Variants in SOX6 observed in about 807,000 individuals in gnomAD.
SOX6 encodes the protein SRY-box transcription factor 6.
Under a neutral mutation model 97.8 loss-of-function variants are expected in SOX6, and 11 were observed. The observed-to-expected ratio is 0.11, with a 90% CI of 0.07 to 0.19. SOX6 has a LOEUF of 0.19. SOX6 is among the 10% of genes least tolerant of loss of function. The probability of loss-of-function intolerance (pLI) is 1.00; values close to 1 mark genes in which losing one functional copy is unlikely to be tolerated. For synonymous variants in SOX6, 360 were observed against 371.4 expected (o/e 0.97, Z 0.35); for missense variants, 810 against 1,039.5 (o/e 0.78, Z 3.04).
chr11:16,133,062 T>G (rs74823667), intron 6 of SOX6, among the ~76,000 whole-genome samples: 1 of 152,032 alleles, frequency 6.6e-6, no homozygotes, highest in Non-Finnish European at 1.5e-5. Context: ...TAAAAAAAAA[T>G]GGCCTAATTT....
chr11:15,983,693 A>C (rs1853739984), intron 15 of SOX6, among the ~76,000 whole-genome samples: 2 of 152,270 alleles, frequency 1.3e-5, no homozygotes, highest in Middle Eastern at 3.4e-3. Flanking sequence ...CATAGCAAGT[A>C]TTATCAAAGC....
chr11:16,710,730 C>T (rs1848172991), intron 3 of SOX6, among the ~76,000 whole-genome samples: 1 of 152,302 alleles, frequency 6.6e-6, no homozygotes, highest in East Asian at 1.9e-4. Context: ...GATTTGAATA[C>T]CATCCCTTTA....
At chr11:16,590,644 A>G (rs1293787807) in intron 4 of SOX6, among the ~76,000 whole-genome samples, 1 of 152,172 alleles carries the variant, frequency 6.6e-6, no homozygotes, top group African/African-American at 2.4e-5. Flanking sequence ...GTCATTTGCA[A>G]CAACATGAAT....
chr11:16,520,558 A>G (rs1166365662), intron 4 of SOX6, among the ~76,000 whole-genome samples: 1 of 152,206 alleles, frequency 6.6e-6, no homozygotes, highest in Non-Finnish European at 1.5e-5. Flanking sequence ...GACGTAGAAG[A>G]CGGGTGATTT....
intron 1 of SOX6, among the ~76,000 whole-genome samples, chr11:16,341,720 G>A (rs1007937414): frequency 6.6e-5 from 10 of 152,020 alleles, no homozygotes; most frequent in African/African-American, 2.4e-4. Context: ...AAAGAAGGGG[G>A]ATATGTAGGA....
chr11:16,261,698 C>A (rs1443951960), intron 3 of SOX6, among the ~76,000 whole-genome samples: 1 of 151,710 alleles, frequency 6.6e-6, no homozygotes, highest in Non-Finnish European at 1.5e-5. Flanking sequence ...CTAGGTCAGA[C>A]CATTAGTCTT....
intron 6 of SOX6, among the ~76,000 whole-genome samples, chr11:16,134,178 G>A (rs1849893664): frequency 1.3e-5 from 2 of 152,170 alleles, no homozygotes; most frequent in Admixed American, 1.3e-4. Flanking sequence ...TACAGATGAG[G>A]CACAGAAAAG....
At chr11:16,103,093 C>G (rs985606966) in intron 7 of SOX6, among the ~76,000 whole-genome samples, 1 of 151,816 alleles carries the variant, frequency 6.6e-6, no homozygotes, top group Admixed American at 6.6e-5. Context: ...ACAGACAACC[C>G]ACAGAGTGGG....
At chr11:16,588,217 C>T (rs896084193) in intron 4 of SOX6, among the ~76,000 whole-genome samples, 3 of 152,130 alleles carry the variant, frequency 2.0e-5, no homozygotes, top group African/African-American at 7.2e-5. Context: ...AGGGGAAGCA[C>T]AGAACACTAT....
chr11:16,187,765 TATG>T (rs1851521718), intron 4 of SOX6, among the ~76,000 whole-genome samples: 1 of 152,172 alleles, frequency 6.6e-6, no homozygotes, highest in Non-Finnish European at 1.5e-5. Context: ...ACAGTCTTTT[TATG>T]GGCAAATTGC....
chr11:16,307,344 G>A (rs1424802918), intron 3 of SOX6, among the ~76,000 whole-genome samples: 1 of 152,182 alleles, frequency 6.6e-6, no homozygotes, highest in Non-Finnish European at 1.5e-5. Flanking sequence ...CTAGAAGTGA[G>A]ACCAGACTTT....
At chr11:16,207,593 CAAA>C (rs11337273) in intron 4 of SOX6, among the ~76,000 whole-genome samples, 11 of 129,420 alleles carry the variant, frequency 8.5e-5, no homozygotes, top group East Asian at 2.3e-4. Context: ...GACTCCATCT[CAAA>C]AAAAAAAAAA....
intron 10 of SOX6, among the ~76,000 whole-genome samples, chr11:16,051,681 G>A (rs1847690199): frequency 6.6e-6 from 1 of 152,046 alleles, no homozygotes; most frequent in African/African-American, 2.4e-5. Context: ...TTATATGCTA[G>A]GTGTTTACTT....
chr11:16,022,469 T>A (rs986514909), intron 12 of SOX6, among the ~76,000 whole-genome samples: 4 of 151,608 alleles, frequency 2.6e-5, no homozygotes, highest in African/African-American at 9.7e-5. Flanking sequence ...TGGAGTGCAG[T>A]GGCATGATCT....
chr11:16,191,221 G>A lies in SOX6; in HGVS notation c.536-4266C>T, dbSNP rs142473144. 3.7e-3 allele frequency among the ~76,000 whole-genome samples: 568 copies of A among 152,262 alleles called. 5 individuals are homozygous for A. Among genetic ancestry groups the A allele is most frequent in the Middle Eastern group, 0.031 (9 of 294 alleles). ...TGTAATCCCAACACTTTGAGAGGCC[G>A]AGGTGGGGGGATCGCTTGAAGCCCA... On this transcript the variant is annotated intron_variant, in intron 4 of 15. Transcript: ENST00000683767.
chr11:16,665,744 G>C (rs1404490903), intron 3 of SOX6, among the ~76,000 whole-genome samples: 29 of 152,214 alleles, frequency 1.9e-4, no homozygotes, highest in Admixed American at 1.9e-3. Flanking sequence ...AAGACCCAGG[G>C]CTGTGCTAGC....
Position 16,613,390 on chromosome 11 carries a change from C to A in SOX6, n.430-1130G>T, listed in dbSNP as rs954030776. ...TCATAAATTATGGGTGTCACTAAAACGAGATTAGCAAATCTTCTACCGCTG... is the reference window on the plus strand; with the variant it reads ...TCATAAATTATGGGTGTCACTAAAAAGAGATTAGCAAATCTTCTACCGCTG... On this transcript the variant is annotated intron_variant and non_coding_transcript_variant, in intron 3 of 5. Coordinates refer to the SOX6 transcript ENST00000524520. This position sits in a 1 kb window ranked among gnomAD's most constrained non-coding sequence, Gnocchi z 4.6. Among the ~76,000 whole-genome samples, 1 of 152,088 alleles carries A rather than the reference C, an allele frequency of 6.6e-6. No homozygotes were observed. Among genetic ancestry groups the A allele is most frequent in the African/African-American group, 2.4e-5 (1 of 41,396 alleles).
At chr11:16,465,466 A>C (rs1860012004) in intron 1 of SOX6, among the ~76,000 whole-genome samples, 1 of 152,208 alleles carries the variant, frequency 6.6e-6, no homozygotes, top group South Asian at 2.1e-4. Context: ...ATGGAAAAAA[A>C]TACATCTGGA....
At chr11:16,038,774 T>C (rs1410747176) in intron 12 of SOX6, among the ~76,000 whole-genome samples, 1 of 152,096 alleles carries the variant, frequency 6.6e-6, no homozygotes, top group Non-Finnish European at 1.5e-5. Context: ...CAAACAAGTA[T>C]TCAATGTCAG....
Sources: gnomAD v4.1 joint callset for allele counts (sites outside exome capture counted in the v4.1 genomes callset) on GRCh38, gnomAD v4.1.1 for gene constraint, Gnocchi (gnomAD v3.1) non-coding constraint, MANE v1.5 for transcripts, NCBI Gene and HGNC (gene_info 2026-07-23, HGNC 2026-07-21) for gene names.